Variants in MBNL2 observed in about 807,000 individuals in gnomAD.
MBNL2 encodes the protein muscleblind like splicing regulator 2.
MBNL2 carries 17 observed loss-of-function variants against 41.9 expected under a neutral mutation model. That is an observed-to-expected ratio of 0.41 (90% CI 0.28 to 0.61). MBNL2 has a LOEUF of 0.61. MBNL2 is among the 20% of genes least tolerant of loss of function. The pLI is 0.35. For missense variants in MBNL2, 336 were observed against 505.6 expected (o/e 0.66, Z 3.22); for synonymous variants, 195 against 182.9 (o/e 1.07, Z -0.53).
Position 97,347,081 on chromosome 13 carries a change from C to G in MBNL2, c.804+14C>G, listed in dbSNP as rs1185417061. 1.3e-6 allele frequency: 2 copies of G among 1,528,126 alleles called. No homozygotes were observed. 94.7% of individuals were successfully genotyped at this position (1,528,126 alleles called of 1,614,324 possible). ...GCCACAGTCATGGTAAGTGCGGCCG[C>G]CCGCCGCCCCTGCACCCCGGCGCCT... is the stretch of plus-strand genomic sequence containing the variant. On this transcript the variant is annotated intron_variant, in intron 5 of 8. Transcript: ENST00000679496.
intron 8 of MBNL2, among the ~76,000 whole-genome samples, chr13:97,380,451 G>T (rs551337326): frequency 6.6e-6 from 1 of 151,732 alleles, no homozygotes; most frequent in African/African-American, 2.4e-5. Flanking sequence ...CCAAGATTGC[G>T]CCTTTGCACT....
chr13:97,151,183 G>A, the MBNL2 span, among the ~76,000 whole-genome samples: 1 of 152,200 alleles, frequency 6.6e-6, no homozygotes, highest in Non-Finnish European at 1.5e-5. Context: ...GTGAAGCCAG[G>A]AAGCAAACTG....
Position 97,276,119 on chromosome 13 carries a change from A to C in MBNL2, c.-117A>C, listed in dbSNP as rs1419205896. 4.0e-6 allele frequency: 3 copies of C among 752,540 alleles called. No homozygotes were observed. The highest frequency in any genetic ancestry group is 2.3e-5 in the Admixed American group (1 of 43,764). The allele number at this position is 752,540 out of a possible 1,614,324, so 46.6% of individuals were successfully genotyped here. On this transcript the variant is annotated 5_prime_UTR_variant, in exon 2 of 9. Transcript: ENST00000679496. ...TGGATTGGACTTCACTAAGCAATTT[A>C]TCACTCACCTTCAGACTTACATGTG...
intron 2 of MBNL2, among the ~76,000 whole-genome samples, chr13:97,306,783 G>A (rs1263303604): frequency 6.6e-6 from 1 of 152,210 alleles, no homozygotes; most frequent in Admixed American, 6.5e-5. Flanking sequence ...AAACCTGCAT[G>A]GGAAGTAGAC....
chr13:97,229,010 G>T (rs1397478345), intron 1 of MBNL2, among the ~76,000 whole-genome samples: 4 of 151,462 alleles, frequency 2.6e-5, no homozygotes, highest in Non-Finnish European at 5.9e-5. Flanking sequence ...TTAAACTTCA[G>T]TCTGACTTGG....
chr13:97,352,035 TATAAATAA>T (rs146632066), intron 5 of MBNL2, among the ~76,000 whole-genome samples: 49,306 of 148,588 alleles, frequency 0.33, 11,194 homozygotes, highest in African/African-American at 0.65. Context: ...AAAATAAAAA[TATAAATAA>T]ATAAATAAAT....
the MBNL2 span, among the ~76,000 whole-genome samples, chr13:97,214,342 G>A: frequency 6.6e-6 from 1 of 152,180 alleles, no homozygotes; most frequent in Non-Finnish European, 1.5e-5. Flanking sequence ...CCTTGGCCTT[G>A]TGTCTCAAAC....
At position 97,346,888 on chromosome 13, in the gene MBNL2, G is replaced by A. The variant is rs922926797; in HGVS notation, c.625G>A (p.Asp209Asn). The change falls in exon 5 of 9, where the codon GAC (aspartate) becomes AAC (asparagine). Residue 209 changes from aspartate (D) to asparagine (N), a missense_variant. Asp to Asn is a conservative substitution (Grantham distance 23). Transcript: ENST00000679496. This position sits in a 1 kb window ranked among gnomAD's most constrained non-coding sequence, Gnocchi z 4.2. ...ACACCCCGCAGACAGCACCATGATC[G>A]ACACAAGTGACAACACCGTAACCGT... ...FAHPADSTMIDTSDNTVTVCM... is the reference protein window; with the variant it reads ...FAHPADSTMINTSDNTVTVCM... The A allele has an allele frequency of 6.2e-7, 1 of 1,613,796 alleles. No individual in the cohort carries two copies. Among genetic ancestry groups the A allele is most frequent in the Non-Finnish European group, 8.5e-7 (1 of 1,179,836 alleles).
rs1171134782 is a variant in MBNL2, at chr13:97,366,976, C to T, written c.1048+1805C>T. Among the ~76,000 whole-genome samples, 1 of 152,128 alleles carries T rather than the reference C, an allele frequency of 6.6e-6. No individual in the cohort carries two copies. Among genetic ancestry groups the T allele is most frequent in the East Asian group, 1.9e-4 (1 of 5,182 alleles). On this transcript the variant is annotated intron_variant, in intron 8 of 8. Coordinates refer to ENST00000679496, the MANE Select transcript of MBNL2 (RefSeq NM_001382683.1). This position sits in a 1 kb window ranked among gnomAD's most constrained non-coding sequence, Gnocchi z 4.7. ...AAAAAAATCTCCTCTTAGAAAGAGT[C>T]ATATTTGAGGCCTAAGTGTCATATT...
the MBNL2 span, among the ~76,000 whole-genome samples, chr13:97,185,409 A>T: frequency 6.6e-6 from 1 of 152,208 alleles, no homozygotes; most frequent in African/African-American, 2.4e-5. Context: ...TCCACATCCC[A>T]ATTCCTGGAA....
At chr13:97,296,042 A>G (rs898986701) in intron 2 of MBNL2, among the ~76,000 whole-genome samples, 3 of 152,178 alleles carry the variant, frequency 2.0e-5, no homozygotes, top group South Asian at 2.1e-4. Context: ...AATATCTGCC[A>G]AGATATCTTA....
chr13:97,388,547 T>G (rs891015024), intron 8 of MBNL2, among the ~76,000 whole-genome samples: 1 of 152,088 alleles, frequency 6.6e-6, no homozygotes, highest in African/African-American at 2.4e-5. Flanking sequence ...GCACACACAC[T>G]TGGCTTTCCA....
chr13:97,196,984 C>G, the MBNL2 span, among the ~76,000 whole-genome samples: 1 of 152,118 alleles, frequency 6.6e-6, no homozygotes, highest in African/African-American at 2.4e-5. Context: ...AATTACTTTG[C>G]CCCTAGAGCT....
At chr13:97,210,571 A>ATTTTTTTTTTTTTTTTTTT in the MBNL2 span, among the ~76,000 whole-genome samples, 2 of 65,410 alleles carry the variant, frequency 3.1e-5, 1 homozygote, top group African/African-American at 1.3e-4. Flanking sequence ...ACAACTGTGA[A>ATTTTTTTTTTTTTTTTTTT]TTTTTTTTTT....
chr13:97,149,012 C>T, the MBNL2 span, among the ~76,000 whole-genome samples: 1 of 152,204 alleles, frequency 6.6e-6, no homozygotes, highest in Admixed American at 6.5e-5. Flanking sequence ...ACTTTCCACG[C>T]AATATGTTTG....
the MBNL2 span, among the ~76,000 whole-genome samples, chr13:97,169,871 C>T: frequency 1.3e-5 from 2 of 152,162 alleles, no homozygotes; most frequent in South Asian, 2.1e-4. Flanking sequence ...TGTGGCCCTT[C>T]GTCATGGAAC....
At position 97,346,760 on chromosome 13, in the gene MBNL2, GCT is replaced by G. The variant is rs1368263881; in HGVS notation, c.541-42_541-41del. 1.9e-6 allele frequency: 3 copies of G among 1,588,084 alleles called. No individual in the cohort carries two copies. Among genetic ancestry groups the G allele is most frequent in the Admixed American group, 3.4e-5 (2 of 58,168 alleles). ...TGGCCGGGGCCGCAGGGGCGCCTGG[GCT>G]CAGGCTTGCCTCTGCAGCGCGGCTC... On this transcript the variant is annotated intron_variant, in intron 4 of 8. Transcript: ENST00000679496. The surrounding 1 kb of genome is among the most constrained non-coding windows in gnomAD (Gnocchi z 4.2).
At chr13:97,248,712 CCT>C (rs1201651840) in intron 1 of MBNL2, among the ~76,000 whole-genome samples, 1 of 151,894 alleles carries the variant, frequency 6.6e-6, no homozygotes, top group African/African-American at 2.4e-5. Flanking sequence ...TTTTTAGAAT[CCT>C]CTCTTTCTTC....
At chr13:97,279,576 AT>A (rs2052926166) in intron 2 of MBNL2, among the ~76,000 whole-genome samples, 1 of 152,238 alleles carries the variant, frequency 6.6e-6, no homozygotes, top group Non-Finnish European at 1.5e-5. Context: ...TAGTACCTCA[AT>A]TATACAAATT....
Sources: gnomAD v4.1 joint callset for allele counts (sites outside exome capture counted in the v4.1 genomes callset) on GRCh38, gnomAD v4.1.1 for gene constraint, Gnocchi (gnomAD v3.1) non-coding constraint, MANE v1.5 for transcripts, NCBI Gene and HGNC (gene_info 2026-07-23, HGNC 2026-07-21) for gene names.